The following PCNX2 variants were observed in gnomAD, a reference collection of about 807,000 sequenced individuals.
PCNX2 encodes the protein pecanex-like protein 2.
Under a neutral mutation model 223.8 loss-of-function variants are expected in PCNX2, and 168 were observed. The observed-to-expected ratio is 0.75, with a 90% CI of 0.66 to 0.85. The LOEUF is 0.85. Among genes scored for constraint, PCNX2 ranks in the 40% least tolerant of loss-of-function variants. The pLI is 0.00. For synonymous variants in PCNX2, 1,006 were observed against 1,052.6 expected (o/e 0.96, Z 0.86); for missense variants, 2,507 against 2,675.5 (o/e 0.94, Z 1.39).
At chr1:233,184,197 A>G (rs1679966830) in intron 15 of PCNX2, among the ~76,000 whole-genome samples, 1 of 152,240 alleles carries the variant, frequency 6.6e-6, no homozygotes, top group Non-Finnish European at 1.5e-5. Flanking sequence ...AGAAATGAGT[A>G]ACTAAGACCC....
intron 21 of PCNX2, among the ~76,000 whole-genome samples, chr1:233,123,129 T>C (rs1284746829): frequency 6.6e-6 from 1 of 152,160 alleles, no homozygotes; most frequent in African/African-American, 2.4e-5. Context: ...GTATGAACTT[T>C]AATAGTAACA....
At chr1:233,162,344 T>C (rs7522418) in intron 17 of PCNX2, among the ~76,000 whole-genome samples, 102,165 of 152,026 alleles carry the variant, frequency 0.67, 34,464 homozygotes, top group East Asian at 0.74. Context: ...AAGTCTGAAA[T>C]CTTCAATACA....
intron 23 of PCNX2, among the ~76,000 whole-genome samples, chr1:233,086,335 T>G (rs1053706849): frequency 3.3e-5 from 5 of 152,146 alleles, no homozygotes; most frequent in African/African-American, 1.2e-4. Context: ...CTATTTAAAT[T>G]TAAGTGGATT....
intron 21 of PCNX2, among the ~76,000 whole-genome samples, chr1:233,129,242 G>A (rs1365281971): frequency 2.0e-5 from 3 of 152,232 alleles, no homozygotes; most frequent in Non-Finnish European, 2.9e-5. Context: ...GAGGGGCTTA[G>A]CACCCGGGCC....
At chr1:233,158,019 A>G (rs1160423) in intron 19 of PCNX2, among the ~76,000 whole-genome samples, 101,891 of 151,784 alleles carry the variant, frequency 0.67, 34,335 homozygotes, top group East Asian at 0.74. Context: ...CCACTCACTC[A>G]TCCTCCGAGA....
intron 26 of PCNX2, among the ~76,000 whole-genome samples, chr1:233,019,815 G>A (rs1670816080): frequency 6.6e-6 from 1 of 152,138 alleles, no homozygotes. Context: ...AATCTGGAGG[G>A]TTTTCTCTTG....
In PCNX2 at chr1:233,166,025, T is replaced by C. The variant is rs1678773326; in HGVS notation, c.3274-4662A>G. ...TGGTGCAAATACACATCTAGATCAA[T>C]GGAAAAGAATAAAGTGTCCAGAAAT... is the stretch of plus-strand genomic sequence containing the variant. On this transcript the variant is annotated intron_variant, in intron 17 of 33. Coordinates refer to ENST00000258229, the MANE Select transcript of PCNX2 (RefSeq NM_014801.4). 2.0e-5 allele frequency among the ~76,000 whole-genome samples: 3 copies of C among 151,940 alleles called. No homozygotes were observed. The South Asian group carries it at 6.2e-4, about 31-fold the overall frequency.
chr1:233,229,394 C>T (rs750399279), intron 9 of PCNX2, among the ~76,000 whole-genome samples: 6 of 152,114 alleles, frequency 3.9e-5, no homozygotes, highest in Non-Finnish European at 7.4e-5. Context: ...GAGAGCTTTG[C>T]GGAAACTGCC....
At chr1:233,117,596 G>C (rs574167261) in intron 21 of PCNX2, among the ~76,000 whole-genome samples, 1 of 136,900 alleles carries the variant, frequency 7.3e-6, no homozygotes, top group East Asian at 2.3e-4. Context: ...GTGAGACTCC[G>C]TCTAAAGAAA....
At chr1:233,214,550 C>T (rs1258915654) in intron 12 of PCNX2, among the ~76,000 whole-genome samples, 1 of 152,150 alleles carries the variant, frequency 6.6e-6, no homozygotes, top group Non-Finnish European at 1.5e-5. Context: ...CTTGCTCAGG[C>T]GATTCCGGGC....
chr1:233,030,589 GCTTGATC>G (rs899481017), intron 25 of PCNX2, among the ~76,000 whole-genome samples: 4 of 152,194 alleles, frequency 2.6e-5, no homozygotes, highest in African/African-American at 9.7e-5. Flanking sequence ...CAGGTTGTCA[GCTTGATC>G]CTTTTAAAGC....
chr1:233,014,687 C>T lies in PCNX2; in HGVS notation c.4930G>A (p.Ala1644Thr). 6.2e-7 allele frequency: 1 copy of T among 1,613,968 alleles called. No individual in the cohort carries two copies. The highest frequency in any genetic ancestry group is 8.5e-7 in the Non-Finnish European group (1 of 1,179,866). Residue 1644 changes from alanine to threonine, a missense_variant, in exon 28 of 34, where the codon GCC becomes ACC. By Grantham distance (58) the Ala-to-Thr change is moderately conservative. Transcript: ENST00000258229. ...CTLGRRALGT[A>T]AHNMAISLDS... ...TACCTGATGGCCATATTGTGAGCGG[C>T]TGTTCCCAGAGCTCTCCTCCCCAGG...
chr1:233,319,618 A>G, the PCNX2 span, among the ~76,000 whole-genome samples: 1 of 152,246 alleles, frequency 6.6e-6, no homozygotes, highest in African/African-American at 2.4e-5. Flanking sequence ...TGCCCGTGTT[A>G]TCACAAGGTT....
intron 23 of PCNX2, among the ~76,000 whole-genome samples, chr1:233,070,314 T>A (rs1350287437): frequency 6.6e-6 from 1 of 152,142 alleles, no homozygotes; most frequent in Non-Finnish European, 1.5e-5. Flanking sequence ...TTATACTTAA[T>A]ATCTTTCAGA....
At chr1:233,302,983 T>G in the PCNX2 span, among the ~76,000 whole-genome samples, 1 of 152,170 alleles carries the variant, frequency 6.6e-6, no homozygotes, top group Non-Finnish European at 1.5e-5. Flanking sequence ...AGTGCAGTAT[T>G]CTGTAAATGT....
At position 233,262,121 on chromosome 1, in the gene PCNX2, C is replaced by G; in HGVS notation, c.404G>C (p.Arg135Pro). The change falls in exon 3 of 34, where the codon CGA becomes CCA. Residue 135 changes from arginine (R) to proline (P), a missense_variant. Coordinates refer to ENST00000258229, the MANE Select transcript of PCNX2 (RefSeq NM_014801.4). ...IHNGKKEEAS[R>P]NLSTPPLRCS... ...GCGGAGGGGAGGCGTGGAGAGGTTT[C>G]GACTGGCCTCTTCCTTTTTGCCATT... 1.2e-6 allele frequency: 2 copies of G among 1,613,780 alleles called. No homozygotes were observed. Among genetic ancestry groups the G allele is most frequent in the Non-Finnish European group, 1.7e-6 (2 of 1,179,772 alleles).
chr1:233,014,047 T>C (rs1040656306), intron 28 of PCNX2, among the ~76,000 whole-genome samples: 32 of 152,214 alleles, frequency 2.1e-4, no homozygotes, highest in African/African-American at 7.2e-4. Context: ...CAGTTTGGCA[T>C]GAGTACTGTT....
rs1007814071 is a variant in PCNX2, at chr1:233,139,231, G to A, written c.3659+483C>T. ...GACATGGGCATCTTGACAGAATGAA[G>A]TCTCTGTGCCAGTTTTTAAATTACG... On this transcript the variant is annotated intron_variant, in intron 20 of 33. Coordinates refer to ENST00000258229, the MANE Select transcript of PCNX2 (RefSeq NM_014801.4). The surrounding 1 kb of genome is among the most constrained non-coding windows in gnomAD (Gnocchi z 4.4). 6.6e-6 allele frequency among the ~76,000 whole-genome samples: 1 copy of A among 152,184 alleles called. No homozygotes were observed. Among genetic ancestry groups the A allele is most frequent in the Non-Finnish European group, 1.5e-5 (1 of 68,030 alleles).
intron 23 of PCNX2, among the ~76,000 whole-genome samples, chr1:233,081,492 T>TAA (rs1396722373): frequency 6.6e-6 from 1 of 152,194 alleles, no homozygotes; most frequent in Non-Finnish European, 1.5e-5. Context: ...TTCTTATGCA[T>TAA]CCCTGCTTAG....
Sources: gnomAD v4.1 joint callset for allele counts (sites outside exome capture counted in the v4.1 genomes callset) on GRCh38, gnomAD v4.1.1 for gene constraint, Gnocchi (gnomAD v3.1) non-coding constraint, MANE v1.5 for transcripts, NCBI Gene and HGNC (gene_info 2026-07-23, HGNC 2026-07-21) for gene names.